DMRTC2: variants seen among roughly 807,000 people sequenced by gnomAD.
DMRTC2 encodes DMRT like family C2.
In DMRTC2, 13 loss-of-function variants were observed where a neutral mutation model predicts 39.9. The observed-to-expected ratio is 0.33, with a 90% confidence interval of 0.21 to 0.52. The LOEUF is 0.52. Among genes scored for constraint, DMRTC2 ranks in the 20% least tolerant of loss-of-function variants. The pLI, the probability that DMRTC2 is intolerant of heterozygous loss-of-function variation, is 0.96. For synonymous variants in DMRTC2, 189 were observed against 185.2 expected (o/e 1.02, Z -0.17); for missense variants, 431 against 472.8 (o/e 0.91, Z 0.82).
chr19:41,850,193 TG>T (rs1568780987), intron 6 of DMRTC2, 118 bp from the exon 7 acceptor site: 6 of 795,736 alleles, frequency 7.5e-6, no homozygotes, highest in Non-Finnish European at 1.1e-5. Flanking sequence ...CACAGCTTAA[TG>T]GCCCAGCAGG....
intron 6 of DMRTC2, 105 bp from the exon 7 acceptor site, chr19:41,850,207 C>G (rs563984993): frequency 2.1e-6 from 2 of 955,688 alleles, no homozygotes; most frequent in African/African-American, 3.4e-5. Flanking sequence ...CCAGCAGGCT[C>G]TCAGATTCCC....
Position 41,850,638 on chromosome 19 carries a change from T to G in DMRTC2, c.929T>G (p.Val310Gly). The G allele has an allele frequency of 6.2e-7, 1 of 1,613,070 alleles. No homozygotes were observed. The highest frequency in any genetic ancestry group is 8.5e-7 in the Non-Finnish European group (1 of 1,179,554). ...AAAGATTCATCCCAGGCTCCTCGTGTGACCCCTTCTGTGCCCCCCAACCCT... is the reference window on the plus strand; with the variant it reads ...AAAGATTCATCCCAGGCTCCTCGTGGGACCCCTTCTGTGCCCCCCAACCCT... ...GLKDSSQAPR[V>G]TPSVPPNPAW... The change falls in exon 8 of 9, where the codon GTG becomes GGG. Residue 310 changes from valine to glycine, a missense_variant. Coordinates refer to ENST00000269945, the MANE Select transcript of DMRTC2 (RefSeq NM_001040283.3).
rs1555836521 is a variant in DMRTC2 at position 41,848,491 on chromosome 19, A to G, written c.410A>G (p.His137Arg). The G allele has an allele frequency of 1.9e-6, 3 of 1,604,664 alleles. No individual in the cohort carries two copies. Among genetic ancestry groups the G allele is most frequent in the Non-Finnish European group, 2.6e-6 (3 of 1,175,616 alleles). Residue 137 changes from histidine (H) to arginine (R), a missense_variant, in exon 4 of 9, where the codon CAT becomes CGT. His to Arg is a conservative substitution (Grantham distance 29). Transcript: ENST00000269945. ...ENIAPQPQTP[H>R]GAVLLAPTPP... is the part of the protein sequence containing the mutation. ...ATAGCACCCCAGCCTCAGACCCCCC[A>G]TGGGGCAGTCCTGCTGGCACCGACA...
At chr19:41,846,795 C>T (rs1026812114) in intron 1 of DMRTC2, among the ~76,000 whole-genome samples, 5 of 151,892 alleles carry the variant, frequency 3.3e-5, no homozygotes, top group Non-Finnish European at 5.9e-5. Flanking sequence ...TCTCGATCTC[C>T]TGACCTTGTG....
Position 41,851,798 on chromosome 19 carries a change from G to A in DMRTC2, c.*102G>A, listed in dbSNP as rs183975552. On this transcript the variant is annotated 3_prime_UTR_variant, in exon 9 of 9. Transcript: ENST00000269945. ...TAAGGATTTATGCATGGAATTTAAT[G>A]TAGTACAAGCTTCGGGCTTTTTTGT... 5.0e-4 allele frequency: 528 copies of A among 1,052,264 alleles called. 2 individuals are homozygous for A. In the African/African-American group the frequency reaches 7.8e-3, roughly 16 times the overall value. The allele number at this position is 1,052,264 out of a possible 1,614,324, so 65.2% of individuals were successfully genotyped here.
At chr19:41,851,295 T>TGGTC in intron 8 of DMRTC2, 1 of 344,392 alleles carries the variant, frequency 2.9e-6, no homozygotes, top group Non-Finnish European at 5.3e-6. Flanking sequence ...AGATCTGGCA[T>TGGTC]GCCAGGCTTA....
chr19:41,851,967 G>A lies in DMRTC2; in HGVS notation c.*271G>A. 2.1e-6 allele frequency: 1 copy of A among 468,202 alleles called. No homozygotes were observed. Among genetic ancestry groups the A allele is most frequent in the Non-Finnish European group, 3.8e-6 (1 of 260,370 alleles). The allele number at this position is 468,202 out of a possible 1,614,324, so 29.0% of individuals were successfully genotyped here. On this transcript the variant is annotated 3_prime_UTR_variant, in exon 9 of 9. Transcript: ENST00000269945. ...GATCTCTTGAAATCCCCAATAAAGA[G>A]AGAGTTGTGCTATTTAAGCTGACCA...
At chr19:41,850,282 C>T (rs753929318) in intron 6 of DMRTC2, 30 bp from the exon 7 acceptor site, 95 of 1,470,674 alleles carry the variant, frequency 6.5e-5, no homozygotes, top group Non-Finnish European at 8.3e-5. Flanking sequence ...TCTGTTTAAC[C>T]ACCCTGGCAT....
intron 4 of DMRTC2, 77 bp from the exon 5 acceptor site, chr19:41,848,718 C>A: frequency 6.2e-7 from 1 of 1,602,120 alleles, no homozygotes. Flanking sequence ...TTTTGGGGTT[C>A]TGCCCGTATC....
chr19:41,848,344 T>C, intron 3 of DMRTC2, 108 bp from the exon 4 acceptor site: 1 of 921,122 alleles, frequency 1.1e-6, no homozygotes, highest in South Asian at 1.8e-5. Flanking sequence ...AGACTCCATC[T>C]CAAAAAAAAA....
Position 41,848,902 on chromosome 19 carries a change from C to G in DMRTC2, c.555C>G (p.Gly185=). The change falls in exon 5 of 9, where the codon GGC becomes GGG. Residue 185 remains glycine, a synonymous_variant. Coordinates refer to ENST00000269945, the MANE Select transcript of DMRTC2 (RefSeq NM_001040283.3). ...PWVPGHWLPP[G]FSMPPPVVCR... ...TCCCTGGACACTGGCTGCCTCCAGG[C>G]TTCTCCATGCCACCACCAGTGGTGT... The G allele has an allele frequency of 6.2e-7, 1 of 1,613,676 alleles. No homozygotes were observed. The highest frequency in any genetic ancestry group is 8.5e-7 in the Non-Finnish European group (1 of 1,180,044).
rs782269704 is a variant in DMRTC2 at position 41,848,986 on chromosome 19, AATTCAACATTC to A, written c.628+21_628+31del. 3.7e-6 allele frequency: 6 copies of A among 1,613,932 alleles called. No individual in the cohort carries two copies. The East Asian group carries it at 6.7e-5, about 18-fold the overall frequency. The stretch of plus-strand genomic sequence containing the variant: ...TGCCTCCCTTCCCTGGTAAGATGAT[AATTCAACATTC>A]ATTCAACATATATTTGAGTGCCAAT... On this transcript the variant is annotated intron_variant, in intron 5 of 8. Coordinates refer to ENST00000269945, the MANE Select transcript of DMRTC2 (RefSeq NM_001040283.3).
intron 5 of DMRTC2, 31 bp from the exon 6 acceptor site, chr19:41,849,099 T>C (rs782134710): frequency 6.2e-7 from 1 of 1,614,094 alleles, no homozygotes; most frequent in Non-Finnish European, 8.5e-7. Flanking sequence ...CCTTGGCCCC[T>C]ATACACTCTG....
chr19:41,847,966 T>C, intron 3 of DMRTC2, 85 bp downstream of exon 3: 1 of 1,487,220 alleles, frequency 6.7e-7, no homozygotes. Context: ...TGCTGCTGAA[T>C]TGGTGTACGA....
chr19:41,847,578 C>T lies in DMRTC2; in HGVS notation c.150C>T (p.Val50=), dbSNP rs781971874. 3 of 1,614,222 alleles carry T rather than the reference C, an allele frequency of 1.9e-6. No individual in the cohort carries two copies. The highest frequency in any genetic ancestry group is 1.1e-5 in the South Asian group (1 of 91,086). Reference sequence around the variant, plus strand: ...GCGCCCGCTGCCGCAACCATGGTGTCACCGCCCATCTCAAGGGCCACAAGC... The same window carrying T: ...GCGCCCGCTGCCGCAACCATGGTGTTACCGCCCATCTCAAGGGCCACAAGC... ...PTCARCRNHG[V]TAHLKGHKRL... Residue 50 remains valine, a synonymous_variant, in exon 2 of 9, where the codon GTC becomes GTT. Coordinates refer to ENST00000269945, the MANE Select transcript of DMRTC2 (RefSeq NM_001040283.3).
At position 41,851,799 on chromosome 19, in the gene DMRTC2, T is replaced by A; in HGVS notation, c.*103T>A. 9.7e-7 allele frequency: 1 copy of A among 1,025,798 alleles called. No homozygotes were observed. Among genetic ancestry groups the A allele is most frequent in the Non-Finnish European group, 1.4e-6 (1 of 691,122 alleles). 63.5% of individuals were successfully genotyped at this position (1,025,798 alleles called of 1,614,324 possible). On this transcript the variant is annotated 3_prime_UTR_variant, in exon 9 of 9. Transcript: ENST00000269945. ...AAGGATTTATGCATGGAATTTAATGTAGTACAAGCTTCGGGCTTTTTTGTT... is the reference window on the plus strand; with the variant it reads ...AAGGATTTATGCATGGAATTTAATGAAGTACAAGCTTCGGGCTTTTTTGTT...
At chr19:41,848,027 G>A (rs2073892030) in intron 3 of DMRTC2, 146 bp downstream of exon 3, 1 of 1,235,738 alleles carries the variant, frequency 8.1e-7, no homozygotes, top group Non-Finnish European at 1.1e-6. Flanking sequence ...CCAGCGTTGA[G>A]AGAATGCAGC....
At chr19:41,851,303 T>C in intron 8 of DMRTC2, 1 of 371,720 alleles carries the variant, frequency 2.7e-6, no homozygotes, top group South Asian at 5.0e-5. Flanking sequence ...CATGCCAGGC[T>C]TAGGTGTCTA....
In DMRTC2 at chr19:41,850,347, C is replaced by T; in HGVS notation, c.791C>T (p.Pro264Leu). ...STLILQPCGT[P>L]DPLQLQPQAS... ...CTGATACTCCAGCCCTGTGGCACCC[C>T]AGACCCTCTTCAGCTACAGCCACAG... is the stretch of plus-strand genomic sequence containing the variant. The change falls in exon 7 of 9, where the codon CCA becomes CTA. Residue 264 changes from proline to leucine, a missense_variant. Transcript: ENST00000269945. 3 of 1,520,038 alleles carry T rather than the reference C, an allele frequency of 2.0e-6. No individual in the cohort carries two copies. The highest frequency in any genetic ancestry group is 2.6e-6 in the Non-Finnish European group (3 of 1,135,714). 94.2% of individuals were successfully genotyped at this position (1,520,038 alleles called of 1,614,324 possible). A position where few individuals can be genotyped will look rare whatever the true frequency, so the allele number is the denominator to read the frequency against.
Sources: gnomAD v4.1 joint callset for allele counts (sites outside exome capture counted in the v4.1 genomes callset) on GRCh38, gnomAD v4.1.1 for gene constraint, MANE v1.5 for transcripts, NCBI Gene and HGNC (gene_info 2026-07-23, HGNC 2026-07-21) for gene names.